Variants in KATNAL1 observed in about 807,000 individuals in gnomAD.
KATNAL1 encodes katanin p60 ATPase-containing subunit A-like 1.
In KATNAL1, 32 loss-of-function variants were observed where a neutral mutation model predicts 55.2. The ratio of observed to expected loss-of-function variants is 0.58; its 90% CI spans 0.44 to 0.78. KATNAL1 has a LOEUF of 0.78. KATNAL1 is among the 30% of genes least tolerant of loss of function. The probability of loss-of-function intolerance (pLI) is 0.00; values close to 1 mark genes in which losing one functional copy is unlikely to be tolerated. For missense variants in KATNAL1, 466 were observed against 600.9 expected (o/e 0.78, Z 2.35); for synonymous variants, 193 against 193.6 (o/e 1.00, Z 0.02).
At chr13:30,237,335 C>T (rs1221022775) in intron 6 of KATNAL1, among the ~76,000 whole-genome samples, 2 of 152,102 alleles carry the variant, frequency 1.3e-5, no homozygotes, top group African/African-American at 4.8e-5. Flanking sequence ...GACTTTTAAT[C>T]TATTAGAAAA....
At chr13:30,258,934 C>G (rs1468941856) in intron 3 of KATNAL1, among the ~76,000 whole-genome samples, 1 of 152,132 alleles carries the variant, frequency 6.6e-6, no homozygotes, top group African/African-American at 2.4e-5. Context: ...TAATTATTTG[C>G]TATCAGATTA....
chr13:30,244,655 C>G (rs1168902708), intron 4 of KATNAL1, among the ~76,000 whole-genome samples: 2 of 151,904 alleles, frequency 1.3e-5, no homozygotes, highest in Non-Finnish European at 2.9e-5. Context: ...AGACTGCTAG[C>G]CAGACTAATA....
At chr13:30,244,899 A>G (rs1032451264) in intron 4 of KATNAL1, among the ~76,000 whole-genome samples, 1 of 152,168 alleles carries the variant, frequency 6.6e-6, no homozygotes. Flanking sequence ...AAATTGAGAC[A>G]GTAATTAATA....
chr13:30,233,457 AGAT>A (rs1416459872), intron 6 of KATNAL1, among the ~76,000 whole-genome samples: 2 of 152,144 alleles, frequency 1.3e-5, no homozygotes, highest in Non-Finnish European at 2.9e-5. Context: ...AGCTAATAAT[AGAT>A]GATGGTCAGG....
chr13:30,268,718 G>C (rs1198502122), intron 3 of KATNAL1, among the ~76,000 whole-genome samples: 1 of 152,154 alleles, frequency 6.6e-6, no homozygotes, highest in Non-Finnish European at 1.5e-5. Flanking sequence ...ACCACTAATA[G>C]AGACCTTGGC....
At chr13:30,274,181 C>G (rs1161441644) in intron 3 of KATNAL1, among the ~76,000 whole-genome samples, 1 of 152,176 alleles carries the variant, frequency 6.6e-6, no homozygotes, top group East Asian at 1.9e-4. Context: ...AAAACTTGCT[C>G]CCCAACCTTC....
Position 30,210,376 on chromosome 13 carries a change from A to T in KATNAL1, c.1214T>A (p.Leu405Gln). 2 of 1,609,546 alleles carry T rather than the reference A, an allele frequency of 1.2e-6. No individual in the cohort carries two copies. The highest frequency in any genetic ancestry group is 1.7e-6 in the Non-Finnish European group (2 of 1,178,114). ...CTCAATCTTCTCGGCTATATCTTCC[A>T]GTTGAATATCAGGATCTAATTCGAC... Reference protein sequence around the residue: ...REVELDPDIQLEDIAEKIEGY... With the variant: ...REVELDPDIQQEDIAEKIEGY... Residue 405 changes from leucine (L) to glutamine (Q), a missense_variant, in exon 10 of 11, where the codon CTG becomes CAG. Physicochemically the swap from Leu to Gln is moderately radical, Grantham distance 113 (BLOSUM62 -2). Transcript: ENST00000380615.
intron 3 of KATNAL1, among the ~76,000 whole-genome samples, chr13:30,274,526 C>T (rs1256799580): frequency 6.6e-6 from 1 of 152,178 alleles, no homozygotes; most frequent in Non-Finnish European, 1.5e-5. Context: ...AGTTTTAGCA[C>T]ACCTATACAG....
intron 9 of KATNAL1, 43 bp from the exon 10 acceptor site, chr13:30,210,485 C>A: frequency 1.9e-6 from 3 of 1,558,248 alleles, no homozygotes; most frequent in Non-Finnish European, 2.6e-6. Context: ...TTTTACTTTA[C>A]AAATAATTTT....
intron 4 of KATNAL1, among the ~76,000 whole-genome samples, chr13:30,251,767 G>T (rs1242186324): frequency 3.3e-5 from 5 of 152,180 alleles, no homozygotes; most frequent in Non-Finnish European, 7.4e-5. Context: ...ATTAACGTTT[G>T]TATTTCTAGC....
chr13:30,289,402 A>G (rs889007784), intron 1 of KATNAL1, among the ~76,000 whole-genome samples: 1 of 152,200 alleles, frequency 6.6e-6, no homozygotes, highest in African/African-American at 2.4e-5. Context: ...ACTATTGATA[A>G]ATGACTTCCT....
intron 8 of KATNAL1, among the ~76,000 whole-genome samples, chr13:30,228,609 C>G (rs1183691037): frequency 1.3e-5 from 2 of 152,232 alleles, no homozygotes; most frequent in African/African-American, 2.4e-5. Context: ...TCATTCCTTT[C>G]TCTCATACTT....
chr13:30,232,727 C>T (rs61946928), intron 6 of KATNAL1, among the ~76,000 whole-genome samples: 16,393 of 152,076 alleles, frequency 0.11, 1,132 homozygotes, highest in Non-Finnish European at 0.16. Flanking sequence ...ATAAACTTCA[C>T]CTCCTCATGA....
At chr13:30,280,370 T>G in intron 2 of KATNAL1, 147 bp from the exon 3 acceptor site, 1 of 576,426 alleles carries the variant, frequency 1.7e-6, no homozygotes, top group Non-Finnish European at 2.7e-6. Flanking sequence ...AAAGAACTAT[T>G]TCAAGTAATA....
chr13:30,206,293 T>TAAATAAATA lies in KATNAL1; in HGVS notation c.*2246_*2247insTATTTATTT, dbSNP rs1873143267. ...AAGACTCAGTCTCAAAATAAATAAA[T>TAAATAAATA]AAATAAAATAAAATAAAATAAAAGT... On this transcript the variant is annotated 3_prime_UTR_variant, in exon 11 of 11. Coordinates refer to ENST00000380615, the MANE Select transcript of KATNAL1 (RefSeq NM_032116.5). 1 of 150,624 alleles carries TAAATAAATA rather than the reference T, an allele frequency of 6.6e-6. No individual in the cohort carries two copies. The highest frequency in any genetic ancestry group is 1.5e-5 in the Non-Finnish European group (1 of 67,712). The allele number at this position is 150,624 out of a possible 1,614,324, so 9.3% of individuals were successfully genotyped here.
At chr13:30,281,785 T>C (rs1881361712) in intron 2 of KATNAL1, 1 of 152,210 alleles carries the variant, frequency 6.6e-6, no homozygotes, top group African/African-American at 2.4e-5. Flanking sequence ...TGGCAGCACA[T>C]ACACTAAAAT....
chr13:30,211,854 C>T (rs148652158), intron 9 of KATNAL1, among the ~76,000 whole-genome samples: 1 of 152,256 alleles, frequency 6.6e-6, no homozygotes, highest in East Asian at 1.9e-4. Flanking sequence ...GCAGTGTGAC[C>T]CTCTTGTGGA....
At chr13:30,235,968 A>C (rs1159686956) in intron 6 of KATNAL1, among the ~76,000 whole-genome samples, 1 of 152,226 alleles carries the variant, frequency 6.6e-6, no homozygotes, top group African/African-American at 2.4e-5. Flanking sequence ...AGCTAGAAAA[A>C]AGAAAACATT....
intron 4 of KATNAL1, among the ~76,000 whole-genome samples, chr13:30,241,908 A>G (rs1037438916): frequency 6.6e-6 from 1 of 152,160 alleles, no homozygotes; most frequent in Non-Finnish European, 1.5e-5. Context: ...ACTTCACCCA[A>G]AAAAATAAAT....
Sources: allele counts gnomAD v4.1 joint callset (sites outside exome capture counted in the v4.1 genomes callset), GRCh38; gene constraint gnomAD v4.1.1; transcripts MANE v1.5; gene names NCBI Gene and HGNC (gene_info 2026-07-23, HGNC 2026-07-21).